The following PRKG1 variants were observed in gnomAD, a reference collection of about 807,000 sequenced individuals.
The protein encoded by PRKG1 is cGMP-dependent protein kinase 1.
A neutral mutation model predicts 88.1 loss-of-function variants in PRKG1; 35 were observed. That is an observed-to-expected ratio of 0.40 (90% CI 0.30 to 0.53). The LOEUF is 0.53. PRKG1 is among the 20% of genes least tolerant of loss of function. PRKG1 has a pLI of 0.59. For synonymous variants in PRKG1, 303 were observed against 292.5 expected (o/e 1.04, Z -0.37); for missense variants, 540 against 839.8 (o/e 0.64, Z 4.41).
At chr10:51,377,028 A>C (rs925754015) in intron 2 of PRKG1, among the ~76,000 whole-genome samples, 1 of 152,074 alleles carries the variant, frequency 6.6e-6, no homozygotes, top group South Asian at 2.1e-4. Context: ...TGATAAACCA[A>C]ATGTCCATAG....
chr10:51,933,979 C>A (rs945934694), intron 5 of PRKG1, among the ~76,000 whole-genome samples: 1 of 151,934 alleles, frequency 6.6e-6, no homozygotes, highest in Non-Finnish European at 1.5e-5. Context: ...TTATAAAGTA[C>A]AAATATTTTG....
intron 3 of PRKG1, among the ~76,000 whole-genome samples, chr10:51,593,970 C>T (rs10823254): frequency 0.29 from 44,416 of 151,916 alleles, 8,263 homozygotes; most frequent in East Asian, 0.87. Flanking sequence ...GGTAATCTAC[C>T]CGCCCTTGGC....
chr10:52,003,805 T>C (rs1445509965), intron 5 of PRKG1, among the ~76,000 whole-genome samples: 2 of 152,222 alleles, frequency 1.3e-5, no homozygotes, highest in Non-Finnish European at 2.9e-5. Context: ...TTTCCTCTCA[T>C]ATTTCTGCAG....
At chr10:51,384,351 C>T (rs911686207) in intron 2 of PRKG1, among the ~76,000 whole-genome samples, 2 of 152,084 alleles carry the variant, frequency 1.3e-5, no homozygotes, top group African/African-American at 4.8e-5. Context: ...AAATCACTCC[C>T]ATAGGAGCCT....
intron 1 of PRKG1, among the ~76,000 whole-genome samples, chr10:51,016,765 G>GTCAAGCGA (rs1473357236): frequency 1.4e-5 from 2 of 138,270 alleles, no homozygotes; most frequent in African/African-American, 5.3e-5. Context: ...ACCTCCCAGG[G>GTCAAGCGA]TCAAGCGATT....
At chr10:51,461,414 G>A (rs1168986185) in intron 2 of PRKG1, among the ~76,000 whole-genome samples, 6 of 151,854 alleles carry the variant, frequency 4.0e-5, no homozygotes, top group Non-Finnish European at 5.9e-5. Context: ...ATACAAAAAG[G>A]TTTAGAAAAA....
chr10:51,106,002 A>G (rs1224470824), intron 1 of PRKG1, among the ~76,000 whole-genome samples: 1 of 152,216 alleles, frequency 6.6e-6, no homozygotes, highest in Admixed American at 6.5e-5. Flanking sequence ...GCAATGAGCA[A>G]TCAGGGTTCT....
At chr10:51,410,913 T>G (rs972799767) in intron 2 of PRKG1, among the ~76,000 whole-genome samples, 1 of 152,054 alleles carries the variant, frequency 6.6e-6, no homozygotes, top group Non-Finnish European at 1.5e-5. Context: ...CACATTTATT[T>G]TTAAATTCTT....
intron 3 of PRKG1, among the ~76,000 whole-genome samples, chr10:51,527,124 G>A (rs911384506): frequency 2.0e-5 from 3 of 152,044 alleles, no homozygotes; most frequent in African/African-American, 7.2e-5. Flanking sequence ...ATGTGTCACA[G>A]GATATTATAT....
At chr10:52,138,542 G>A (rs1460169802) in intron 8 of PRKG1, among the ~76,000 whole-genome samples, 1 of 151,896 alleles carries the variant, frequency 6.6e-6, no homozygotes, top group East Asian at 1.9e-4. Flanking sequence ...GGCCCTTGTG[G>A]GACCCTAGAA....
intron 4 of PRKG1, among the ~76,000 whole-genome samples, chr10:51,826,968 C>T (rs189251699): frequency 1.4e-4 from 21 of 152,276 alleles, no homozygotes; most frequent in African/African-American, 4.8e-4. Context: ...ACCACCACAA[C>T]AGTGGTGCTG....
chr10:51,106,354 A>G (rs2131889567), intron 1 of PRKG1, among the ~76,000 whole-genome samples: 1 of 152,330 alleles, frequency 6.6e-6, no homozygotes, highest in South Asian at 2.1e-4. Flanking sequence ...CCCTCGGGAG[A>G]ATACATCATT....
chr10:52,108,513 C>G (rs191768081), intron 7 of PRKG1, among the ~76,000 whole-genome samples: 165 of 152,162 alleles, frequency 1.1e-3, no homozygotes, highest in African/African-American at 3.7e-3. Flanking sequence ...GTATCACTGC[C>G]CAAGTGAATC....
intron 1 of PRKG1, among the ~76,000 whole-genome samples, chr10:51,085,275 C>T (rs543991960): frequency 5.3e-5 from 8 of 152,118 alleles, no homozygotes; most frequent in Middle Eastern, 3.2e-3. Flanking sequence ...TGTATTAAAG[C>T]GAGTAAGAGA....
chr10:51,450,886 G>A (rs1341937004), intron 2 of PRKG1, among the ~76,000 whole-genome samples: 1 of 151,136 alleles, frequency 6.6e-6, no homozygotes, highest in Non-Finnish European at 1.5e-5. Flanking sequence ...TGTGGCAAAA[G>A]CATTATAGAA....
At chr10:51,479,309 C>A (rs1366698105) in intron 3 of PRKG1, among the ~76,000 whole-genome samples, 1 of 151,932 alleles carries the variant, frequency 6.6e-6, no homozygotes, top group East Asian at 1.9e-4. Context: ...TCACTTATAA[C>A]CCCACTCCCA....
intron 5 of PRKG1, chr10:51,909,512 A>C (rs1842168848): frequency 6.6e-6 from 1 of 152,244 alleles, no homozygotes; most frequent in African/African-American, 2.4e-5. Flanking sequence ...TGAGCACAAA[A>C]ATACATTTTG....
intron 8 of PRKG1, among the ~76,000 whole-genome samples, chr10:52,156,597 A>T (rs1320870277): frequency 2.0e-5 from 3 of 151,718 alleles, no homozygotes; most frequent in African/African-American, 7.3e-5. Flanking sequence ...TTTGGGGGTA[A>T]TTTTTTCTCC....
intron 2 of PRKG1, among the ~76,000 whole-genome samples, chr10:51,406,638 T>C (rs1347942996): frequency 1.4e-5 from 2 of 140,642 alleles, no homozygotes. Flanking sequence ...TTTTTTTTTT[T>C]ATGAGACCCT....
Sources: allele counts gnomAD v4.1 joint callset (sites outside exome capture counted in the v4.1 genomes callset), GRCh38; gene constraint gnomAD v4.1.1; transcripts MANE v1.5; gene names NCBI Gene and HGNC (gene_info 2026-07-23, HGNC 2026-07-21).